ETS1: variants seen among roughly 807,000 people sequenced by gnomAD.
ETS1 encodes the protein protein C-ets-1.
A neutral mutation model predicts 58.6 loss-of-function variants in ETS1; 15 were observed. The ratio of observed to expected loss-of-function variants is 0.26; its 90% CI spans 0.17 to 0.39. The LOEUF (loss-of-function observed/expected upper bound fraction) is 0.39, where lower values mean the gene tolerates loss of function less well. Among genes scored for constraint, ETS1 ranks in the 10% least tolerant of loss-of-function variants. The pLI, the probability that ETS1 is intolerant of heterozygous loss-of-function variation, is 1.00. For synonymous variants in ETS1, 214 were observed against 218.2 expected, an observed-to-expected ratio of 0.98 and a Z score of 0.17; for missense variants, 417 against 610.5, an observed-to-expected ratio of 0.68 and a Z score of 3.34.
rs1864185529 is a variant in ETS1, at chr11:128,549,113, T to A, written c.214+7178A>T. Reference sequence around the variant, plus strand: ...CCTGGCTGCAGTGCAAGAAAGCAACTTATTAATGAGGGAGCTGGGTCTCCT... The same window carrying A: ...CCTGGCTGCAGTGCAAGAAAGCAACATATTAATGAGGGAGCTGGGTCTCCT... On this transcript the variant is annotated intron_variant, in intron 3 of 9. Transcript: ENST00000392668. This position sits in a 1 kb window ranked among gnomAD's most constrained non-coding sequence, Gnocchi z 4.3. Among the ~76,000 whole-genome samples, 1 of 152,172 alleles carries A rather than the reference T, an allele frequency of 6.6e-6. No individual in the cohort carries two copies. Among genetic ancestry groups the A allele is most frequent in the South Asian group, 2.1e-4 (1 of 4,826 alleles).
intron 3 of ETS1, chr11:128,521,930 T>G (rs1591639617): frequency 6.2e-7 from 1 of 1,605,574 alleles, no homozygotes; most frequent in Middle Eastern, 1.7e-4. Context: ...GGGGAAAAGC[T>G]CCAGATCGAC....
chr11:128,579,490 C>T (rs1421479711), intron 1 of ETS1, among the ~76,000 whole-genome samples: 2 of 151,698 alleles, frequency 1.3e-5, no homozygotes, highest in Non-Finnish European at 2.9e-5. Context: ...AGTGAAATTC[C>T]ATCTCTACTA....
chr11:128,485,933 T>A (rs1666561204), intron 6 of ETS1, 136 bp downstream of exon 6: 2 of 614,642 alleles, frequency 3.3e-6, no homozygotes, highest in Non-Finnish European at 5.8e-6. Flanking sequence ...TAAAATAAAG[T>A]AACAAAGAAG....
chr11:128,506,365 C>G (rs966804081), intron 3 of ETS1, among the ~76,000 whole-genome samples: 1 of 152,124 alleles, frequency 6.6e-6, no homozygotes, highest in East Asian at 1.9e-4. Flanking sequence ...CAATGAATAC[C>G]TTGGTGATAG....
intron 3 of ETS1, among the ~76,000 whole-genome samples, chr11:128,533,096 T>C (rs1203420954): frequency 1.3e-5 from 2 of 152,168 alleles, no homozygotes; most frequent in Non-Finnish European, 2.9e-5. Context: ...TCCTTATCAA[T>C]GTTGGTGAGT....
At position 128,461,216 on chromosome 11, in the gene ETS1, A is replaced by T. The variant is rs552924673; in HGVS notation, c.*1145T>A. ...CATAAAAGAAAAATTACAGAGTGTTAGTTTGGAACGACATGCATTCAGGAC... is the reference window on the plus strand; with the variant it reads ...CATAAAAGAAAAATTACAGAGTGTTTGTTTGGAACGACATGCATTCAGGAC... On this transcript the variant is annotated 3_prime_UTR_variant, in exon 10 of 10. Coordinates refer to ENST00000392668, the MANE Select transcript of ETS1 (RefSeq NM_001143820.2). 4 of 152,796 alleles carry T rather than the reference A, an allele frequency of 2.6e-5. No homozygotes were observed. The highest frequency in any genetic ancestry group is 4.4e-5 in the Non-Finnish European group (3 of 68,034). The allele number at this position is 152,796 out of a possible 1,614,324, so 9.5% of individuals were successfully genotyped here. A position where few individuals can be genotyped will look rare whatever the true frequency, so the allele number is the denominator to read the frequency against.
At chr11:128,516,624 G>A (rs979265927) in intron 3 of ETS1, among the ~76,000 whole-genome samples, 2 of 152,158 alleles carry the variant, frequency 1.3e-5, no homozygotes, top group Admixed American at 6.5e-5. Flanking sequence ...GCCATGGGCT[G>A]GGACAGCTGG....
At chr11:128,490,912 G>A (rs1862781214) in intron 3 of ETS1, among the ~76,000 whole-genome samples, 1 of 151,800 alleles carries the variant, frequency 6.6e-6, no homozygotes, top group Non-Finnish European at 1.5e-5. Flanking sequence ...GAGAGACAGG[G>A]TTTCACCATG....
chr11:128,480,817 G>GGGT lies in ETS1; in HGVS notation c.863-367_863-366insACC, dbSNP rs374303265. On this transcript the variant is annotated intron_variant, in intron 7 of 9. Transcript: ENST00000392668. ...ACATGTTATGATATGATTTCTGGCT[G>GGGT]ATGTCGTAGGCCCAATGAATAAATG... Among the ~76,000 whole-genome samples the GGGT allele has an allele frequency of 7.9e-5, 12 of 152,286 alleles. No homozygotes were observed. In the East Asian group the frequency reaches 2.1e-3, roughly 27 times the overall value.
intron 3 of ETS1, among the ~76,000 whole-genome samples, chr11:128,502,397 C>T (rs1338016597): frequency 6.6e-6 from 1 of 152,154 alleles, no homozygotes; most frequent in African/African-American, 2.4e-5. Context: ...ACAGAGGTTG[C>T]AGGAAGGTGG....
chr11:128,555,210 C>G (rs1161445607), intron 3 of ETS1, among the ~76,000 whole-genome samples: 1 of 152,160 alleles, frequency 6.6e-6, no homozygotes, highest in Non-Finnish European at 1.5e-5. Flanking sequence ...TACACACAGC[C>G]CATGGAGTGC....
At chr11:128,522,177 G>C (rs904883274) in intron 3 of ETS1, 2 of 1,272,328 alleles carry the variant, frequency 1.6e-6, no homozygotes, top group East Asian at 3.3e-5. Flanking sequence ...CGGCACTCCA[G>C]GGGAAGTTGG....
At chr11:128,530,155 G>C (rs1863871946) in intron 3 of ETS1, 1 of 152,180 alleles carries the variant, frequency 6.6e-6, no homozygotes, top group Non-Finnish European at 1.5e-5. Context: ...GCTCACATTT[G>C]ATTCTCAGCT....
chr11:128,515,252 T>TCACACACACA (rs34618232), intron 3 of ETS1, among the ~76,000 whole-genome samples: 102 of 150,594 alleles, frequency 6.8e-4, no homozygotes, highest in African/African-American at 2.4e-3. Context: ...TATCTCTCTG[T>TCACACACACA]CACACACACA....
At chr11:128,569,786 G>A (rs560803619) in intron 2 of ETS1, among the ~76,000 whole-genome samples, 15 of 152,312 alleles carry the variant, frequency 9.8e-5, no homozygotes, top group Non-Finnish European at 1.3e-4. Context: ...TGCCTAAATC[G>A]TTTCAGGGAC....
chr11:128,510,054 T>C (rs1216761996), intron 3 of ETS1, among the ~76,000 whole-genome samples: 1 of 152,220 alleles, frequency 6.6e-6, no homozygotes, highest in African/African-American at 2.4e-5. Context: ...TTTTGAAGAA[T>C]GTTTGGTTTC....
chr11:128,556,754 C>T (rs1864319217), intron 2 of ETS1, among the ~76,000 whole-genome samples: 1 of 152,116 alleles, frequency 6.6e-6, no homozygotes, highest in South Asian at 2.1e-4. Flanking sequence ...TGAATTTATA[C>T]ACTCCTGGCT....
chr11:128,517,102 A>G (rs1348433942), intron 3 of ETS1, among the ~76,000 whole-genome samples: 1 of 152,194 alleles, frequency 6.6e-6, no homozygotes, highest in Non-Finnish European at 1.5e-5. Flanking sequence ...CTAAAGCAAC[A>G]CATCTGGACT....
chr11:128,486,125 A>T lies in ETS1; in HGVS notation c.557T>A (p.Val186Asp), dbSNP rs1240022873. 1.2e-6 allele frequency: 2 copies of T among 1,609,344 alleles called. No individual in the cohort carries two copies. Among genetic ancestry groups the T allele is most frequent in the Non-Finnish European group, 8.5e-7 (1 of 1,175,732 alleles). Residue 186 changes from valine (V) to aspartate (D), a missense_variant, in exon 6 of 10, where the codon GTT becomes GAT. Val to Asp is a radical substitution (Grantham distance 152). Transcript: ENST00000392668. ...TGGATAGGCTGGGTTGACTCCATTA[A>T]CTTGATATGGTTTCACATCCTCTGT... ...LQKEDVKPYQ[V>D]NGVNPAYPES...
Sources: allele counts gnomAD v4.1 joint callset (sites outside exome capture counted in the v4.1 genomes callset), GRCh38; gene constraint gnomAD v4.1.1; non-coding constraint Gnocchi (gnomAD v3.1); transcripts MANE v1.5; gene names NCBI Gene and HGNC (gene_info 2026-07-23, HGNC 2026-07-21).